ATG12: variants seen among roughly 807,000 people sequenced by gnomAD.
The protein encoded by ATG12 is ubiquitin-like protein ATG12.
In ATG12, 19 loss-of-function variants were observed where a neutral mutation model predicts 17.6. The observed-to-expected ratio is 1.08, with a 90% CI of 0.75 to 1.58. The LOEUF (loss-of-function observed/expected upper bound fraction) is 1.58. ATG12 is among the 40% of genes most tolerant of loss of function. ATG12 has a pLI of 0.00. For synonymous variants in ATG12, 75 were observed against 62.4 expected (o/e 1.20, Z -0.95); for missense variants, 214 against 162.0 (o/e 1.32, Z -1.74).
Position 115,837,717 on chromosome 5 carries a change from T to C in ATG12, c.211A>G (p.Lys71Glu). 1.2e-6 allele frequency: 2 copies of C among 1,612,858 alleles called. No individual in the cohort carries two copies. The highest frequency in any genetic ancestry group is 1.7e-6 in the Non-Finnish European group (2 of 1,179,624). Residue 71 changes from lysine (K) to glutamate (E), a missense_variant, in exon 2 of 4, where the codon AAG becomes GAG. Physicochemically the swap from Lys to Glu is moderately conservative, Grantham distance 56 (BLOSUM62 1). Coordinates refer to ENST00000509910, the MANE Select transcript of ATG12 (RefSeq NM_004707.4). ...CGTGTTCGCTCTACTGCCCACTTCT[T>C]TGTTTTCATAATAGGAGTGTCTCCC... ...AVGDTPIMKT[K>E]KWAVERTRTI...
In ATG12 at chr5:115,831,546, G is replaced by C. The variant is rs1760869772; in HGVS notation, c.*258C>G. On this transcript the variant is annotated 3_prime_UTR_variant, in exon 4 of 4. Coordinates refer to ENST00000509910, the MANE Select transcript of ATG12 (RefSeq NM_004707.4). ...CCTTTTCAACCTTGGAGGCAGATCT[G>C]CAGCAATAATAGTAACAAGTAGGAG... 1.9e-6 allele frequency: 1 copy of C among 538,054 alleles called. No individual in the cohort carries two copies. The highest frequency in any genetic ancestry group is 3.3e-6 in the Non-Finnish European group (1 of 304,804). 33.3% of individuals were successfully genotyped at this position (538,054 alleles called of 1,614,324 possible). A position where few individuals can be genotyped will look rare whatever the true frequency, so the allele number is the denominator to read the frequency against.
intron 1 of ATG12, chr5:115,839,413 T>C (rs768697173): frequency 9.9e-5 from 15 of 152,012 alleles, no homozygotes; most frequent in Non-Finnish European, 1.8e-4. Flanking sequence ...GGGATTTTAG[T>C]TAGCCTATCT....
At position 115,832,567 on chromosome 5, in the gene ATG12, CTTTCTTTTTT is replaced by C. The variant is rs1465549843; in HGVS notation, c.363+25_363+34del. 4,305 of 1,063,780 alleles carry C rather than the reference CTTTCTTTTTT, an allele frequency of 4.0e-3. 9 individuals are homozygous for C. Among genetic ancestry groups the C allele is most frequent in the East Asian group, 0.022 (466 of 21,524 alleles). 65.9% of individuals were successfully genotyped at this position (1,063,780 alleles called of 1,614,324 possible). A position where few individuals can be genotyped will look rare whatever the true frequency, so the allele number is the denominator to read the frequency against. On this transcript the variant is annotated intron_variant, in intron 3 of 3. Coordinates refer to ENST00000509910, the MANE Select transcript of ATG12 (RefSeq NM_004707.4). ...GATTAAGAAAAAAAAGCAGTAATTT[CTTTCTTTTTT>C]TTTTTTTTTTTTTTTTTTTTTTACC...
rs1218879362 is a variant in ATG12, at chr5:115,829,644, T to C, written c.*2160A>G. 6.6e-6 allele frequency: 1 copy of C among 152,190 alleles called. No individual in the cohort carries two copies. Among genetic ancestry groups the C allele is most frequent in the African/African-American group, 2.4e-5 (1 of 41,452 alleles). The allele number at this position is 152,190 out of a possible 1,614,324, so 9.4% of individuals were successfully genotyped here. ...AAATATCACCTGAATGTTCAGTTTT[T>C]CCCCCAAGTTTAATCAGACTTGAGA... On this transcript the variant is annotated 3_prime_UTR_variant, in exon 4 of 4. Transcript: ENST00000509910.
chr5:115,834,513 G>C (rs970540101), intron 2 of ATG12, among the ~76,000 whole-genome samples: 1 of 152,110 alleles, frequency 6.6e-6, no homozygotes, highest in Non-Finnish European at 1.5e-5. Context: ...AAATTAGTTA[G>C]TTTTATTAAT....
chr5:115,840,625 C>A, intron 1 of ATG12: 1 of 1,267,820 alleles, frequency 7.9e-7, no homozygotes, highest in South Asian at 1.3e-5. Context: ...TAAGACAGAA[C>A]GGGGAAAACG....
At position 115,837,610 on chromosome 5, in the gene ATG12, T is replaced by C. The variant is rs1232237289; in HGVS notation, c.300+18A>G. ...TACTGCAAATTTTTGTAGGAAAACA[T>C]CACCATTGGTTTCATACCAACTGTT... On this transcript the variant is annotated intron_variant, in intron 2 of 3. Transcript: ENST00000509910. The C allele has an allele frequency of 4.4e-6, 7 of 1,607,366 alleles. No individual in the cohort carries two copies. The highest frequency in any genetic ancestry group is 5.9e-6 in the Non-Finnish European group (7 of 1,178,742).
chr5:115,832,575 T>TC (rs1561450550), intron 3 of ATG12, 27 bp downstream of exon 3: 2 of 618,218 alleles, frequency 3.2e-6, no homozygotes. Flanking sequence ...TTCTTTCTTT[T>TC]TTTTTTTTTT....
chr5:115,837,333 T>C (rs1421030647), intron 2 of ATG12, among the ~76,000 whole-genome samples: 1 of 151,932 alleles, frequency 6.6e-6, no homozygotes, highest in African/African-American at 2.4e-5. Flanking sequence ...ACACAAAAAT[T>C]AGCCAGGCTT....
chr5:115,832,917 TTAAA>T (rs1225902821), intron 2 of ATG12: 2 of 331,476 alleles, frequency 6.0e-6, no homozygotes, highest in African/African-American at 4.3e-5. Flanking sequence ...TAAGAAACTT[TTAAA>T]TATTTTTTAC....
chr5:115,840,613 C>G (rs1021278705), intron 1 of ATG12: 1 of 1,277,564 alleles, frequency 7.8e-7, no homozygotes, highest in African/African-American at 1.5e-5. Context: ...CCACTGTCAT[C>G]TTAAGACAGA....
intron 3 of ATG12, among the ~76,000 whole-genome samples, chr5:115,832,206 G>A (rs936007959): frequency 2.0e-5 from 3 of 152,116 alleles, no homozygotes; most frequent in African/African-American, 7.2e-5. Context: ...GACTCTGTAA[G>A]ATGTTAAACA....
At chr5:115,841,263 T>A (rs1761453014) in intron 1 of ATG12, 127 bp downstream of exon 1, 1 of 1,253,918 alleles carries the variant, frequency 8.0e-7, no homozygotes, top group Non-Finnish European at 1.1e-6. Flanking sequence ...TCTTTTCTTC[T>A]GATGACTGGT....
chr5:115,837,435 G>A (rs890752921), intron 2 of ATG12, among the ~76,000 whole-genome samples, 193 bp downstream of exon 2: 7 of 151,322 alleles, frequency 4.6e-5, no homozygotes, highest in African/African-American at 1.7e-4. Flanking sequence ...GTGTGTCACT[G>A]CACTCCAGCC....
Position 115,841,411 on chromosome 5 carries a change from C to T in ATG12, c.142G>A (p.Ala48Thr). 5 of 1,611,296 alleles carry T rather than the reference C, an allele frequency of 3.1e-6. No homozygotes were observed. Among genetic ancestry groups the T allele is most frequent in the Non-Finnish European group, 4.2e-6 (5 of 1,179,396 alleles). The change falls in exon 1 of 4, where the codon GCT becomes ACT. Residue 48 changes from alanine to threonine, a missense_variant. Coordinates refer to ENST00000509910, the MANE Select transcript of ATG12 (RefSeq NM_004707.4). The stretch of plus-strand genomic sequence containing the variant: ...TTACTTTTTTTCTTGGTGTCGCCAG[C>T]AGGTTCCTCTGTTCCCGGGGAAACT... ...AAVSPGTEEP[A>T]GDTKKKIDIL...
intron 1 of ATG12, chr5:115,840,822 G>T: frequency 8.1e-7 from 1 of 1,232,832 alleles, no homozygotes; most frequent in Non-Finnish European, 1.0e-6. Context: ...ACTCACAAAG[G>T]TTCCAAAATG....
chr5:115,836,515 CAA>C (rs1237500499), intron 2 of ATG12, among the ~76,000 whole-genome samples: 1 of 152,086 alleles, frequency 6.6e-6, no homozygotes. Flanking sequence ...CACTTGCAGC[CAA>C]ACTCTTAGAT....
intron 1 of ATG12, chr5:115,838,761 C>G (rs1761207168): frequency 6.6e-6 from 1 of 152,210 alleles, no homozygotes; most frequent in East Asian, 1.9e-4. Context: ...ATGAATCTGT[C>G]TCTCAGACAT....
chr5:115,834,754 G>C (rs542066892), intron 2 of ATG12, among the ~76,000 whole-genome samples: 4 of 152,010 alleles, frequency 2.6e-5, no homozygotes, highest in African/African-American at 9.7e-5. Flanking sequence ...AAAGTTTGAC[G>C]ACAGCCTAAC....
Sources: gnomAD v4.1 joint callset for allele counts (sites outside exome capture counted in the v4.1 genomes callset) on GRCh38, gnomAD v4.1.1 for gene constraint, MANE v1.5 for transcripts, NCBI Gene and HGNC (gene_info 2026-07-23, HGNC 2026-07-21) for gene names.